SLCO2A1: variants seen among roughly 807,000 people sequenced by gnomAD.
The protein encoded by SLCO2A1 is matrin F/G 1.
In SLCO2A1, 60 loss-of-function variants were observed where a neutral mutation model predicts 71.7. The ratio of observed to expected loss-of-function variants is 0.84; its 90% CI spans 0.68 to 1.04. The LOEUF is 1.04. SLCO2A1 is among the 50% of genes least tolerant of loss of function. The pLI is 0.00. For synonymous variants in SLCO2A1, 308 were observed against 326.7 expected (o/e 0.94, Z 0.62); for missense variants, 745 against 813.4 (o/e 0.92, Z 1.02).
chr3:134,001,302 G>C (rs1467905480), intron 1 of SLCO2A1, among the ~76,000 whole-genome samples: 1 of 152,092 alleles, frequency 6.6e-6, no homozygotes, highest in Non-Finnish European at 1.5e-5. Context: ...GTAGAGGTGG[G>C]GTCTCACCAT....
In SLCO2A1 at chr3:133,965,184, AC is replaced by A. The variant is rs200656833; in HGVS notation, c.397+8478del. The stretch of plus-strand genomic sequence containing the variant: ...GCTCATCAAAAGCCAGTCTTGCCAA[AC>A]CAACCTCATTTCCTTTGTTAATGGG... On this transcript the variant is annotated intron_variant, in intron 3 of 13. Transcript: ENST00000310926. Among the ~76,000 whole-genome samples, 309 of 152,298 alleles carry A rather than the reference AC, an allele frequency of 2.0e-3. 10 individuals carry two copies. In the East Asian group the frequency reaches 0.053, roughly 26 times the overall value.
intron 2 of SLCO2A1, among the ~76,000 whole-genome samples, chr3:133,974,279 G>T (rs1934401030): frequency 6.6e-6 from 1 of 152,170 alleles, no homozygotes; most frequent in Non-Finnish European, 1.5e-5. Flanking sequence ...AGGACCCAAG[G>T]ACCTTGGCTT....
chr3:133,992,367 CAAGA>C (rs1181828668), intron 1 of SLCO2A1, among the ~76,000 whole-genome samples: 1 of 152,146 alleles, frequency 6.6e-6, no homozygotes, highest in African/African-American at 2.4e-5. Context: ...AGATAGAGCA[CAAGA>C]AAGGGAGGTA....
rs1465110079 is a variant in SLCO2A1 at position 133,953,625 on chromosome 3, G to C, written c.724+38C>G. On this transcript the variant is annotated intron_variant, in intron 5 of 13. Coordinates refer to ENST00000310926, the MANE Select transcript of SLCO2A1 (RefSeq NM_005630.3). ...AGGGGGCTGGGGGCTGCTTTATTGA[G>C]CTGGGGATGGGAATGGGTGTCCTCT... The C allele has an allele frequency of 6.5e-6, 10 of 1,536,702 alleles. No individual in the cohort carries two copies. The African/African-American group carries it at 8.2e-5, about 13-fold the overall frequency.
intron 1 of SLCO2A1, among the ~76,000 whole-genome samples, chr3:133,998,978 T>C (rs371853318): frequency 6.6e-6 from 1 of 152,228 alleles, no homozygotes; most frequent in Non-Finnish European, 1.5e-5. Flanking sequence ...TCTAACTCTC[T>C]GCCTAGAGCA....
At chr3:134,010,471 C>G (rs577175770) in intron 1 of SLCO2A1, among the ~76,000 whole-genome samples, 1 of 151,782 alleles carries the variant, frequency 6.6e-6, no homozygotes, top group Non-Finnish European at 1.5e-5. Flanking sequence ...CATCAGATCT[C>G]GGCCGGGCGC....
At chr3:134,019,613 CTGGATAT>C (rs1051482842) in intron 1 of SLCO2A1, among the ~76,000 whole-genome samples, 5 of 152,122 alleles carry the variant, frequency 3.3e-5, no homozygotes, top group Non-Finnish European at 5.9e-5. Context: ...GCCCCATGAG[CTGGATAT>C]TGGTCAATTA....
chr3:133,936,226 G>A (rs1206006685), intron 12 of SLCO2A1, among the ~76,000 whole-genome samples: 6 of 152,178 alleles, frequency 3.9e-5, no homozygotes, highest in Non-Finnish European at 1.5e-5. Context: ...CCACTGTGTG[G>A]CAGGAGGCTC....
rs1473213987 is a variant in SLCO2A1, at chr3:133,981,528, T to G, written c.97-1910A>C. Among the ~76,000 whole-genome samples the G allele has an allele frequency of 2.6e-5, 4 of 152,326 alleles. No homozygotes were observed. The South Asian group carries it at 8.3e-4, about 32-fold the overall frequency. ...AGGCTAGGCCCAAGCTCAGATCTAC[T>G]GAATCAAAATCAGCAGGAGTGAAGC... On this transcript the variant is annotated intron_variant, in intron 1 of 13. Transcript: ENST00000310926.
chr3:133,967,159 C>T (rs926313605), intron 3 of SLCO2A1, among the ~76,000 whole-genome samples: 1 of 152,204 alleles, frequency 6.6e-6, no homozygotes, highest in African/African-American at 2.4e-5. Flanking sequence ...CCCAAGCAGA[C>T]CTGTCACTCA....
intron 2 of SLCO2A1, among the ~76,000 whole-genome samples, chr3:133,974,341 C>T (rs1426890791): frequency 1.3e-5 from 2 of 152,174 alleles, no homozygotes; most frequent in African/African-American, 4.8e-5. Flanking sequence ...AATCATGAAA[C>T]AATTCTCATT....
At chr3:133,981,139 G>T (rs1934577941) in intron 1 of SLCO2A1, among the ~76,000 whole-genome samples, 1 of 152,232 alleles carries the variant, frequency 6.6e-6, no homozygotes, top group Admixed American at 6.5e-5. Context: ...AGGCACTTTG[G>T]GGCTTAGATG....
intron 3 of SLCO2A1, among the ~76,000 whole-genome samples, chr3:133,966,245 T>A (rs752782511): frequency 5.5e-4 from 83 of 152,182 alleles, no homozygotes; most frequent in Non-Finnish European, 1.9e-4. Context: ...GTTGAATAAT[T>A]TCAGCACAGA....
At chr3:134,022,919 T>C (rs1291791247) in intron 1 of SLCO2A1, among the ~76,000 whole-genome samples, 1 of 152,182 alleles carries the variant, frequency 6.6e-6, no homozygotes, top group Non-Finnish European at 1.5e-5. Flanking sequence ...TCTTAAAAAT[T>C]ATATACTTGG....
At chr3:133,995,712 T>C (rs974534173) in intron 1 of SLCO2A1, among the ~76,000 whole-genome samples, 2 of 152,142 alleles carry the variant, frequency 1.3e-5, no homozygotes, top group African/African-American at 4.8e-5. Flanking sequence ...AGGAGGGAAA[T>C]GACCAAAGAA....
intron 1 of SLCO2A1, among the ~76,000 whole-genome samples, chr3:134,024,695 G>T (rs911222925): frequency 6.6e-6 from 1 of 152,212 alleles, no homozygotes; most frequent in Admixed American, 6.5e-5. Flanking sequence ...GTTAGCACAA[G>T]AAGCAGATAA....
chr3:133,959,381 T>A (rs1196155897), intron 3 of SLCO2A1, among the ~76,000 whole-genome samples: 1 of 144,188 alleles, frequency 6.9e-6, no homozygotes, highest in African/African-American at 2.8e-5. Context: ...TTCATACCCA[T>A]CAGGATGGCT....
intron 9 of SLCO2A1, 109 bp downstream of exon 9, chr3:133,947,147 A>AG: frequency 1.1e-6 from 1 of 950,920 alleles, no homozygotes. Context: ...AAAAAAAAAA[A>AG]GTGTACAGCA....
At chr3:134,011,418 G>C (rs970384319) in intron 1 of SLCO2A1, among the ~76,000 whole-genome samples, 2 of 152,236 alleles carry the variant, frequency 1.3e-5, no homozygotes, top group Non-Finnish European at 2.9e-5. Context: ...GAGGACTGAA[G>C]AAGAAGGAGG....
Sources: allele counts gnomAD v4.1 joint callset (sites outside exome capture counted in the v4.1 genomes callset), GRCh38; gene constraint gnomAD v4.1.1; transcripts MANE v1.5; gene names NCBI Gene and HGNC (gene_info 2026-07-23, HGNC 2026-07-21).